The following GALNT2 variants were observed in gnomAD, a reference collection of about 807,000 sequenced individuals.
GALNT2 encodes the protein UDP-GalNAc:polypeptide N-acetylgalactosaminyltransferase 2.
Under a neutral mutation model 81.4 loss-of-function variants are expected in GALNT2, and 31 were observed. The ratio of observed to expected loss-of-function variants is 0.38; its 90% confidence interval spans 0.29 to 0.51. The LOEUF is 0.51. Among genes scored for constraint, GALNT2 ranks in the 20% least tolerant of loss-of-function variants. GALNT2 has a pLI of 0.87. For synonymous variants in GALNT2, 303 were observed against 287.4 expected (o/e 1.05, Z -0.55); for missense variants, 629 against 765.7 (o/e 0.82, Z 2.11).
At chr1:230,224,274 C>G (rs1469869621) in intron 3 of GALNT2, among the ~76,000 whole-genome samples, 1 of 152,170 alleles carries the variant, frequency 6.6e-6, no homozygotes, top group Non-Finnish European at 1.5e-5. Context: ...GTGTGAGCTT[C>G]CATCCAGAAA....
intron 1 of GALNT2, among the ~76,000 whole-genome samples, chr1:230,142,839 T>A (rs926669349): frequency 6.6e-6 from 1 of 152,200 alleles, no homozygotes; most frequent in Admixed American, 6.5e-5. Flanking sequence ...CACTTGCTTA[T>A]AAATTATCCT....
At chr1:230,075,564 T>G (rs1471080474) in intron 1 of GALNT2, among the ~76,000 whole-genome samples, 1 of 152,244 alleles carries the variant, frequency 6.6e-6, no homozygotes, top group Non-Finnish European at 1.5e-5. Flanking sequence ...TTTCATTTAT[T>G]CTTTCAGTGA....
intron 6 of GALNT2, among the ~76,000 whole-genome samples, chr1:230,242,159 G>A (rs1482088811): frequency 3.3e-5 from 5 of 152,068 alleles, no homozygotes; most frequent in Non-Finnish European, 5.9e-5. Context: ...GTATAAACAC[G>A]GAGCTTACTC....
At chr1:230,252,237 TG>T (rs1665566397) in intron 10 of GALNT2, among the ~76,000 whole-genome samples, 1 of 152,196 alleles carries the variant, frequency 6.6e-6, no homozygotes, top group African/African-American at 2.4e-5. Context: ...GAGGGGCCTC[TG>T]TGGGTGTGCA....
chr1:230,199,616 A>G (rs747973287), intron 2 of GALNT2, among the ~76,000 whole-genome samples: 1 of 152,178 alleles, frequency 6.6e-6, no homozygotes, highest in African/African-American at 2.4e-5. Context: ...AAAGTGTGTC[A>G]TTGTCAAGCA....
chr1:230,206,927 G>A (rs892585906), intron 3 of GALNT2, among the ~76,000 whole-genome samples: 1 of 151,972 alleles, frequency 6.6e-6, no homozygotes, highest in South Asian at 2.1e-4. Flanking sequence ...AGCCACCTCA[G>A]TGAGGTATCC....
At chr1:230,126,269 A>G (rs1202763554) in intron 1 of GALNT2, among the ~76,000 whole-genome samples, 1 of 152,194 alleles carries the variant, frequency 6.6e-6, no homozygotes, top group Non-Finnish European at 1.5e-5. Context: ...GTGGAGACAC[A>G]GGCAGGGCCA....
At chr1:230,179,758 T>C (rs937027313) in intron 2 of GALNT2, among the ~76,000 whole-genome samples, 12 of 152,346 alleles carry the variant, frequency 7.9e-5, no homozygotes, top group Non-Finnish European at 1.3e-4. Flanking sequence ...CTTCTCATTG[T>C]CTTGATAGTG....
Position 230,280,157 on chromosome 1 carries a change from G to C in GALNT2, c.*699G>C, listed in dbSNP as rs776356643. The C allele has an allele frequency of 5.3e-6, 2 of 378,866 alleles. No homozygotes were observed. The highest frequency in any genetic ancestry group is 3.0e-5 in the Admixed American group (1 of 33,894). The allele number at this position is 378,866 out of a possible 1,614,324, so 23.5% of individuals were successfully genotyped here. ...CCCCACAAAGCCGTTCGCAGCTTCC[G>C]GGAGAAGGGGCCAGAGCCCGGTGGG... On this transcript the variant is annotated 3_prime_UTR_variant, in exon 16 of 16. Transcript: ENST00000366672.
At chr1:230,081,940 G>A (rs962868323) in intron 1 of GALNT2, among the ~76,000 whole-genome samples, 2 of 152,228 alleles carry the variant, frequency 1.3e-5, no homozygotes, top group Non-Finnish European at 2.9e-5. Context: ...AGTTGATGAA[G>A]ATGATGCTGA....
rs1171055141 is a variant in GALNT2, at chr1:230,070,326, G to A, written c.126+2920G>A. 6.6e-6 allele frequency among the ~76,000 whole-genome samples: 1 copy of A among 152,098 alleles called. No homozygotes were observed. Among genetic ancestry groups the A allele is most frequent in the African/African-American group, 2.4e-5 (1 of 41,388 alleles). On this transcript the variant is annotated intron_variant, in intron 1 of 15. Transcript: ENST00000366672. This position sits in a 1 kb window ranked among gnomAD's most constrained non-coding sequence, Gnocchi z 4.7. ...TGCCTTTCCTTTGAGCTTCTTAAAT[G>A]CTTTAAAATTTTAACCATGTTAAGT... is the stretch of plus-strand genomic sequence containing the variant.
intron 1 of GALNT2, among the ~76,000 whole-genome samples, chr1:230,109,717 A>G (rs1660647459): frequency 6.6e-6 from 1 of 152,044 alleles, no homozygotes; most frequent in Admixed American, 6.6e-5. Flanking sequence ...AATCCCAGCT[A>G]CTCTGGAGGC....
chr1:230,201,192 G>A (rs748928937), intron 2 of GALNT2, among the ~76,000 whole-genome samples: 17 of 152,068 alleles, frequency 1.1e-4, no homozygotes, highest in East Asian at 1.9e-4. Flanking sequence ...TTTTATTTGC[G>A]GCATAAGAAG....
At chr1:230,116,161 G>T (rs1414044764) in intron 1 of GALNT2, among the ~76,000 whole-genome samples, 1 of 152,200 alleles carries the variant, frequency 6.6e-6, no homozygotes, top group Admixed American at 6.5e-5. Flanking sequence ...CTTTCCAGAA[G>T]GATTTCACTT....
At chr1:230,175,672 C>T (rs1300507916) in intron 1 of GALNT2, among the ~76,000 whole-genome samples, 3 of 145,330 alleles carry the variant, frequency 2.1e-5, no homozygotes, top group Admixed American at 6.9e-5. Flanking sequence ...ACTGTCCTCC[C>T]CCTCCTTCTC....
chr1:230,142,258 C>T (rs1364001509), intron 1 of GALNT2, among the ~76,000 whole-genome samples: 1 of 152,130 alleles, frequency 6.6e-6, no homozygotes, highest in Non-Finnish European at 1.5e-5. Flanking sequence ...AAGGGATGGC[C>T]TCCATCCACC....
intron 1 of GALNT2, among the ~76,000 whole-genome samples, chr1:230,117,702 C>G (rs768952912): frequency 1.3e-5 from 2 of 152,108 alleles, no homozygotes; most frequent in Non-Finnish European, 2.9e-5. Context: ...CATCAAAGAC[C>G]ACTGATCACA....
At chr1:230,144,851 T>G (rs1661864207) in intron 1 of GALNT2, among the ~76,000 whole-genome samples, 1 of 152,146 alleles carries the variant, frequency 6.6e-6, no homozygotes, top group Non-Finnish European at 1.5e-5. Flanking sequence ...GTGGTTGATT[T>G]GGGGCAGAGG....
chr1:230,066,486 T>C (rs1659184561), upstream of GALNT2, among the ~76,000 whole-genome samples: 1 of 152,218 alleles, frequency 6.6e-6, no homozygotes, highest in African/African-American at 2.4e-5. Flanking sequence ...AAATGTTCTT[T>C]TGAAAATTAC....
Sources: gnomAD v4.1 joint callset for allele counts (sites outside exome capture counted in the v4.1 genomes callset) on GRCh38, gnomAD v4.1.1 for gene constraint, Gnocchi (gnomAD v3.1) non-coding constraint, MANE v1.5 for transcripts, NCBI Gene and HGNC (gene_info 2026-07-23, HGNC 2026-07-21) for gene names.